Variants in EVA1A observed in about 807,000 individuals in gnomAD.
EVA1A encodes the protein eva-1 homolog A, regulator of programmed cell death.
A neutral mutation model predicts 9.8 loss-of-function variants in EVA1A; 7 were observed. That is an observed-to-expected ratio of 0.71 (90% confidence interval 0.41 to 1.34). EVA1A has a LOEUF of 1.34. Among genes scored for constraint, EVA1A ranks in the 40% most tolerant of loss-of-function variants. The pLI, the probability that EVA1A is intolerant of heterozygous loss-of-function variation, is 0.01. For synonymous variants in EVA1A, 90 were observed against 85.6 expected, an observed-to-expected ratio of 1.05 and a Z score of -0.28; for missense variants, 206 against 205.9, an observed-to-expected ratio of 1.00 and a Z score of 0.00.
At chr2:75,521,149 A>G (rs1289533570) in intron 2 of EVA1A, among the ~76,000 whole-genome samples, 1 of 152,224 alleles carries the variant, frequency 6.6e-6, no homozygotes, top group East Asian at 1.9e-4. Flanking sequence ...AATCAAAACC[A>G]CAATGAAATA....
At chr2:75,522,117 C>A (rs1401967166) in intron 2 of EVA1A, among the ~76,000 whole-genome samples, 1 of 151,880 alleles carries the variant, frequency 6.6e-6, no homozygotes, top group East Asian at 1.9e-4. Context: ...GGAAAAAGAT[C>A]GTATGAATAG....
In EVA1A at chr2:75,530,656, T is replaced by C. The variant is rs373945944; in HGVS notation, c.-191-8169A>G. Among the ~76,000 whole-genome samples, 901 of 152,252 alleles carry C rather than the reference T, an allele frequency of 5.9e-3. 8 individuals are homozygous for C. The highest frequency in any genetic ancestry group is 0.014 in the Middle Eastern group (4 of 294). Reference sequence around the variant, plus strand: ...AACAGAATTAAAAACAGAAATTATATGATCATCTCAATAGATGCAGAAAAA... The same window carrying C: ...AACAGAATTAAAAACAGAAATTATACGATCATCTCAATAGATGCAGAAAAA... On this transcript the variant is annotated intron_variant, in intron 1 of 3. Transcript: ENST00000393913.
chr2:75,496,391 G>A (rs1390229148), intron 3 of EVA1A, among the ~76,000 whole-genome samples: 1 of 152,064 alleles, frequency 6.6e-6, no homozygotes, highest in Non-Finnish European at 1.5e-5. Context: ...CACCAACAAT[G>A]TCCAAGCTGA....
At chr2:75,568,901 T>C (rs1291334077) in intron 1 of EVA1A, among the ~76,000 whole-genome samples, 2 of 152,238 alleles carry the variant, frequency 1.3e-5, no homozygotes, top group Admixed American at 1.3e-4. Flanking sequence ...AACTATGCTT[T>C]CACATCTTTG....
intron 3 of EVA1A, among the ~76,000 whole-genome samples, chr2:75,510,505 G>A (rs1013225775): frequency 3.9e-5 from 6 of 152,148 alleles, no homozygotes; most frequent in South Asian, 2.1e-4. Context: ...GGGGGGTGAG[G>A]CTCCCTCACT....
rs368640475 is a variant in EVA1A at position 75,508,566 on chromosome 2, T to G, written c.85+9490A>C. Among the ~76,000 whole-genome samples, 126 of 152,234 alleles carry G rather than the reference T, an allele frequency of 8.3e-4. 2 individuals are homozygous for G. The highest frequency in any genetic ancestry group is 2.9e-3 in the African/African-American group (121 of 41,540). On this transcript the variant is annotated intron_variant, in intron 3 of 3. Transcript: ENST00000393913. ...ATCAATGACAATGGTACCCGAAACT[T>G]CATTAGCAATTTTAATTTCGCCCCA...
chr2:75,493,166 G>C lies in EVA1A; in HGVS notation c.*70C>G. 1 of 1,529,984 alleles carries C rather than the reference G, an allele frequency of 6.5e-7. No individual in the cohort carries two copies. The allele number at this position is 1,529,984 out of a possible 1,614,324, so 94.8% of individuals were successfully genotyped here. ...TTAGCAGAGCTGGGTTCAGTTCCTTGTGCCCACTGTCCCTGCAGACGCTCT... is the reference window on the plus strand; with the variant it reads ...TTAGCAGAGCTGGGTTCAGTTCCTTCTGCCCACTGTCCCTGCAGACGCTCT... On this transcript the variant is annotated 3_prime_UTR_variant, in exon 4 of 4. Transcript: ENST00000393913.
chr2:75,546,900 A>C (rs1474117182), intron 1 of EVA1A, among the ~76,000 whole-genome samples: 1 of 146,668 alleles, frequency 6.8e-6, no homozygotes, highest in African/African-American at 2.6e-5. Flanking sequence ...GACAGCCATC[A>C]ATAGGCCAAA....
At chr2:75,501,865 C>G (rs1674437115) in intron 3 of EVA1A, among the ~76,000 whole-genome samples, 1 of 152,168 alleles carries the variant, frequency 6.6e-6, no homozygotes, top group Non-Finnish European at 1.5e-5. Flanking sequence ...CCTCTGTCTC[C>G]TACACCATGA....
At chr2:75,550,179 GAACTTTA>G (rs1188829548) in intron 1 of EVA1A, among the ~76,000 whole-genome samples, 1 of 152,130 alleles carries the variant, frequency 6.6e-6, no homozygotes, top group Non-Finnish European at 1.5e-5. Flanking sequence ...CCATTATTAA[GAACTTTA>G]AATGGCAGTG....
chr2:75,504,982 C>A (rs1674562503), intron 3 of EVA1A, among the ~76,000 whole-genome samples: 1 of 152,164 alleles, frequency 6.6e-6, no homozygotes, highest in African/African-American at 2.4e-5. Flanking sequence ...AAAGAATTCA[C>A]TCATTTCATC....
intron 3 of EVA1A, among the ~76,000 whole-genome samples, chr2:75,505,242 G>A (rs1674573833): frequency 1.3e-5 from 2 of 152,262 alleles, no homozygotes; most frequent in African/African-American, 4.8e-5. Flanking sequence ...TTGGAAGAAG[G>A]GTGTGATTAA....
chr2:75,514,600 G>A (rs1182325060), intron 3 of EVA1A, among the ~76,000 whole-genome samples: 2 of 151,884 alleles, frequency 1.3e-5, no homozygotes, highest in East Asian at 1.9e-4. Context: ...ACAAAAATGT[G>A]GTTACCTATA....
At chr2:75,559,536 GACAAGAAGGGGATGA>G (rs1247667228) in intron 1 of EVA1A, among the ~76,000 whole-genome samples, 2 of 152,216 alleles carry the variant, frequency 1.3e-5, no homozygotes, top group Non-Finnish European at 2.9e-5. Flanking sequence ...CAGACTGGAT[GACAAGAAGGGGATGA>G]ATTAATAAGA....
At chr2:75,551,480 C>G (rs1352687577) in intron 1 of EVA1A, among the ~76,000 whole-genome samples, 1 of 152,204 alleles carries the variant, frequency 6.6e-6, no homozygotes, top group Non-Finnish European at 1.5e-5. Context: ...CCCAGTCTCC[C>G]ATTTCCTCCT....
chr2:75,557,999 T>G (rs549788913), intron 1 of EVA1A, among the ~76,000 whole-genome samples: 3 of 152,240 alleles, frequency 2.0e-5, no homozygotes, highest in Non-Finnish European at 4.4e-5. Flanking sequence ...AAAGAGTATG[T>G]GTTTTGAAAT....
intron 3 of EVA1A, among the ~76,000 whole-genome samples, chr2:75,493,847 T>C (rs1403906262): frequency 6.6e-6 from 1 of 152,248 alleles, no homozygotes; most frequent in Non-Finnish European, 1.5e-5. Context: ...TTAGAGATTA[T>C]TCCCAAATGA....
chr2:75,496,149 G>A (rs990508184), intron 3 of EVA1A, among the ~76,000 whole-genome samples: 1 of 152,038 alleles, frequency 6.6e-6, no homozygotes, highest in Non-Finnish European at 1.5e-5. Context: ...TTCCTTTCTG[G>A]GTAAACAAAA....
At chr2:75,533,851 G>A (rs941496893) in intron 1 of EVA1A, among the ~76,000 whole-genome samples, 1 of 151,004 alleles carries the variant, frequency 6.6e-6, no homozygotes, top group Non-Finnish European at 1.5e-5. Flanking sequence ...TTGCTCTGTT[G>A]CCCAGGCTGG....
Sources: allele counts gnomAD v4.1 joint callset (sites outside exome capture counted in the v4.1 genomes callset), GRCh38; gene constraint gnomAD v4.1.1; transcripts MANE v1.5; gene names NCBI Gene and HGNC (gene_info 2026-07-23, HGNC 2026-07-21).